Variants in DTX2 observed in about 807,000 individuals in gnomAD.
DTX2 encodes the protein probable E3 ubiquitin-protein ligase DTX2.
Under a neutral mutation model 55.3 loss-of-function variants are expected in DTX2, and 29 were observed. That is an observed-to-expected ratio of 0.52 (90% CI 0.39 to 0.71). The LOEUF (loss-of-function observed/expected upper bound fraction) is 0.71. Ranked by LOEUF, DTX2 falls within the 30% of genes least tolerant of loss-of-function variation. The pLI is 0.00. For missense variants in DTX2, 537 were observed against 822.5 expected (o/e 0.65, Z 4.25); for synonymous variants, 276 against 340.4 (o/e 0.81, Z 2.08).
intron 4 of DTX2, among the ~76,000 whole-genome samples, chr7:76,491,266 GATT>G (rs112706472): frequency 2.0e-5 from 3 of 149,456 alleles, no homozygotes; most frequent in African/African-American, 7.5e-5. Flanking sequence ...AAAGTGCTGA[GATT>G]ATAGGCGTGA....
At chr7:76,464,741 G>T (rs1806978665) in intron 2 of DTX2, among the ~76,000 whole-genome samples, 1 of 151,060 alleles carries the variant, frequency 6.6e-6, no homozygotes, top group African/African-American at 2.5e-5. Flanking sequence ...ATGTGGAATG[G>T]GTTTAGACTG....
At chr7:76,500,749 GGC>G (rs1170983570) in intron 7 of DTX2, among the ~76,000 whole-genome samples, 1 of 151,416 alleles carries the variant, frequency 6.6e-6, no homozygotes. Context: ...CTCCTCTCCC[GGC>G]CCTGGCCTCT....
intron 4 of DTX2, 85 bp from the exon 5 acceptor site, chr7:76,492,068 C>G: frequency 1.6e-6 from 1 of 612,916 alleles, no homozygotes; most frequent in Non-Finnish European, 2.5e-6. Context: ...CAGTGACTCC[C>G]ACTTGGCCAT....
At chr7:76,481,923 C>T (rs59479345) in intron 3 of DTX2, among the ~76,000 whole-genome samples, 5,766 of 150,612 alleles carry the variant, frequency 0.038, 319 homozygotes, top group African/African-American at 0.13. Context: ...GTCTTCAACT[C>T]CTGAGCTCAA....
chr7:76,480,036 CG>C (rs2116354816), intron 2 of DTX2, among the ~76,000 whole-genome samples: 1 of 120,474 alleles, frequency 8.3e-6, no homozygotes, highest in South Asian at 3.1e-4. Flanking sequence ...AGACCAGGCG[CG>C]GTGGCTCACA....
Position 76,503,530 on chromosome 7 carries a change from C to T in DTX2, c.1494C>T (p.Pro498=), listed in dbSNP as rs368392380. 4.1e-5 allele frequency: 66 copies of T among 1,612,644 alleles called. No individual in the cohort carries two copies. The highest frequency in any genetic ancestry group is 4.5e-5 in the Non-Finnish European group (53 of 1,179,864). ...MEVLRFQMSL[P]GHEDCGTILI... ...TATTACGGTTCCAGATGTCGCTCCC[C>T]GGCCACGAGGACTGCGGGACCATCC... Residue 498 remains proline (P), a synonymous_variant, in exon 9 of 11, where the codon CCC becomes CCT. Coordinates refer to ENST00000430490, the MANE Select transcript of DTX2 (RefSeq NM_001102594.3).
At position 76,482,771 on chromosome 7, in the gene DTX2, C is replaced by T. The variant is rs1188696570; in HGVS notation, c.532C>T (p.Pro178Ser). The T allele has an allele frequency of 3.1e-6, 5 of 1,613,744 alleles. No individual in the cohort carries two copies. Among genetic ancestry groups the T allele is most frequent in the Non-Finnish European group, 4.2e-6 (5 of 1,179,846 alleles). Residue 178 changes from proline (P) to serine (S), a missense_variant, in exon 4 of 11, where the codon CCG becomes TCG. This residue lies in a region of DTX2 where 301 missense variants were observed against 396.6 expected (regional missense o/e 0.76). Transcript: ENST00000430490. ...FCRSVRRQAGPPYPVTTIIAP... is the reference protein window; with the variant it reads ...FCRSVRRQAGSPYPVTTIIAP... ...CCGCAGCGTGCGGCGCCAAGCAGGGCCGCCTTACCCGGTGACCACCATCAT... is the reference window on the plus strand; with the variant it reads ...CCGCAGCGTGCGGCGCCAAGCAGGGTCGCCTTACCCGGTGACCACCATCAT...
At chr7:76,468,447 CATTTTTTTTTTTTT>C (rs1357137666) in intron 2 of DTX2, among the ~76,000 whole-genome samples, 8 of 77,674 alleles carry the variant, frequency 1.0e-4, no homozygotes, top group Admixed American at 4.7e-4. Flanking sequence ...GGCCCACTGC[CATTTTTTTTTTTTT>C]TTTTTTTTTT....
chr7:76,483,666 G>T (rs1204530937), intron 4 of DTX2, among the ~76,000 whole-genome samples: 2 of 150,670 alleles, frequency 1.3e-5, no homozygotes, highest in Non-Finnish European at 3.0e-5. Context: ...TGATGATGCA[G>T]CCCAGCCCAG....
intron 2 of DTX2, among the ~76,000 whole-genome samples, chr7:76,479,872 C>T (rs1396068850): frequency 6.7e-5 from 10 of 150,220 alleles, no homozygotes; most frequent in Non-Finnish European, 1.2e-4. Context: ...GACTAGCACC[C>T]GGAATTTATG....
chr7:76,503,380 G>C, intron 8 of DTX2, 46 bp from the exon 9 acceptor site: 1 of 1,592,884 alleles, frequency 6.3e-7, no homozygotes, highest in Non-Finnish European at 8.6e-7. Context: ...ACGGTCTTGG[G>C]TGTTCTCAGA....
Position 76,490,328 on chromosome 7 carries a change from A to AC in DTX2, c.909-1818dup, listed in dbSNP as rs1489611293. On this transcript the variant is annotated intron_variant, in intron 4 of 10. Transcript: ENST00000430490. ...TAATAGAGCGAGACTCCGTCCCCTC[A>AC]CCCCCCCAAAAAAAGAAAATTACCA... Among the ~76,000 whole-genome samples, 2 of 83,524 alleles carry AC rather than the reference A, an allele frequency of 2.4e-5. 1 individual carries two copies. Among genetic ancestry groups the AC allele is most frequent in the South Asian group, 8.7e-4 (2 of 2,294 alleles). The allele number at this position is 83,524 out of a possible 152,430, so 54.8% of individuals were successfully genotyped here. A position where few individuals can be genotyped will look rare whatever the true frequency, so the allele number is the denominator to read the frequency against.
chr7:76,483,898 A>T (rs952368466), intron 4 of DTX2, among the ~76,000 whole-genome samples: 17 of 152,192 alleles, frequency 1.1e-4, no homozygotes, highest in South Asian at 2.1e-4. Flanking sequence ...CACAAAAAAA[A>T]TTTTTTTAAT....
Position 76,480,636 on chromosome 7 carries a change from G to C in DTX2, c.127G>C (p.Glu43Gln). Residue 43 changes from glutamate (E) to glutamine (Q), a missense_variant, in exon 3 of 11, where the codon GAG becomes CAG. By Grantham distance (29) the Glu-to-Gln change is conservative. Around this residue, in one of 7 missense-constraint regions of DTX2, gnomAD observed 301 missense variants for 396.6 expected, o/e 0.76. Coordinates refer to ENST00000430490, the MANE Select transcript of DTX2 (RefSeq NM_001102594.3). The stretch of plus-strand genomic sequence containing the variant: ...CAGTGCCACCGTCTGCAGCTTCATC[G>C]AGCAGCAGTTTGTCCAGCAGAAGGG... ...PYSATVCSFI[E>Q]QQFVQQKGQR... The C allele has an allele frequency of 1.2e-6, 2 of 1,613,594 alleles. No homozygotes were observed. Among genetic ancestry groups the C allele is most frequent in the Non-Finnish European group, 1.7e-6 (2 of 1,179,920 alleles).
At chr7:76,498,828 AGAGGTGAGGGTGTGTGGGGTGTGTG>A (rs1811248672) in intron 6 of DTX2, among the ~76,000 whole-genome samples, 9 of 85,968 alleles carry the variant, frequency 1.0e-4, no homozygotes, top group Non-Finnish European at 1.3e-4. Flanking sequence ...TGGGGTGTGT[AGAGGTGAGGGTGTGTGGGGTGTGTG>A]GAGGTGAGGG....
intron 2 of DTX2, among the ~76,000 whole-genome samples, chr7:76,466,918 GAC>G (rs1807251362): frequency 6.6e-6 from 1 of 151,500 alleles, no homozygotes; most frequent in Admixed American, 6.6e-5. Flanking sequence ...TTTTTTTAGA[GAC>G]AGTGTCTCAC....
chr7:76,503,220 C>G (rs1049252708), intron 8 of DTX2: 1 of 607,654 alleles, frequency 1.6e-6, no homozygotes, highest in Non-Finnish European at 2.9e-6. Flanking sequence ...TAGCATGTCC[C>G]TTAACGAAAA....
At chr7:76,475,689 A>G (rs1584152454) in intron 2 of DTX2, among the ~76,000 whole-genome samples, 1 of 117,524 alleles carries the variant, frequency 8.5e-6, no homozygotes, top group South Asian at 3.3e-4. Context: ...CCTTCTCAAA[A>G]ATAAAAAAAA....
chr7:76,482,257 G>T (rs1269170345), intron 3 of DTX2, among the ~76,000 whole-genome samples: 1 of 151,350 alleles, frequency 6.6e-6, no homozygotes, highest in Non-Finnish European at 1.5e-5. Flanking sequence ...TTATTTAGGA[G>T]GCTAAGGCAG....
Sources: gnomAD v4.1 joint callset for allele counts (sites outside exome capture counted in the v4.1 genomes callset) on GRCh38, gnomAD v4.1.1 for gene constraint, gnomAD v4.1.1 regional missense constraint, MANE v1.5 for transcripts, NCBI Gene and HGNC (gene_info 2026-07-23, HGNC 2026-07-21) for gene names.